Variants in CNTN3 observed in about 807,000 individuals in gnomAD.
The protein encoded by CNTN3 is contactin-3.
In CNTN3, 60 loss-of-function variants were observed where a neutral mutation model predicts 119.1. The ratio of observed to expected loss-of-function variants is 0.50; its 90% CI spans 0.41 to 0.62. CNTN3 has a LOEUF of 0.62. CNTN3 is among the 20% of genes least tolerant of loss of function. The pLI, the probability that CNTN3 is intolerant of heterozygous loss-of-function variation, is 0.00. For missense variants in CNTN3, 1,101 were observed against 1,242.4 expected (o/e 0.89, Z 1.71); for synonymous variants, 450 against 438.7 (o/e 1.03, Z -0.32).
At position 74,386,448 on chromosome 3, in the gene CNTN3, G is replaced by C. The variant is rs529076587; in HGVS notation, c.455-15049C>G. 2.0e-5 allele frequency among the ~76,000 whole-genome samples: 3 copies of C among 152,190 alleles called. No individual in the cohort carries two copies. The East Asian group carries it at 5.8e-4, about 29-fold the overall frequency. ...GCCTGGGCAACATGGTGAAAAATTT[G>C]TCTCTACAAAAATTAGCTGGGAGGG... On this transcript the variant is annotated intron_variant, in intron 5 of 22. Transcript: ENST00000263665.
rs2106820145 is a variant in CNTN3, at chr3:74,386,396, A to G, written c.455-14997T>C. Among the ~76,000 whole-genome samples, 3 of 152,268 alleles carry G rather than the reference A, an allele frequency of 2.0e-5. 1 individual carries two copies. The highest frequency in any genetic ancestry group is 2.0e-4 in the Admixed American group (3 of 15,282). The stretch of plus-strand genomic sequence containing the variant: ...CACACTGGGAAGTTGAAGAAGGTGG[A>G]TGGCTTGATCCCAGAGTTCGAGACC... On this transcript the variant is annotated intron_variant, in intron 5 of 22. Coordinates refer to ENST00000263665, the MANE Select transcript of CNTN3 (RefSeq NM_020872.3).
At chr3:74,418,986 GC>G in intron 5 of CNTN3, among the ~76,000 whole-genome samples, 1 of 150,872 alleles carries the variant, frequency 6.6e-6, no homozygotes, top group Non-Finnish European at 1.5e-5. Flanking sequence ...TAGTAGCGGG[GC>G]AGTTTCGCCA....
At chr3:74,266,786 G>T (rs1701669717) in intron 21 of CNTN3, 137 bp from the exon 22 acceptor site, 1 of 724,372 alleles carries the variant, frequency 1.4e-6, no homozygotes, top group Non-Finnish European at 2.3e-6. Flanking sequence ...GACTCTAATT[G>T]TAAGTCTTAG....
intron 1 of CNTN3, among the ~76,000 whole-genome samples, chr3:74,551,681 G>A: frequency 7.1e-6 from 1 of 140,754 alleles, no homozygotes; most frequent in East Asian, 2.2e-4. Context: ...TGTCTATATA[G>A]TTTTGTGTTT....
chr3:74,306,710 T>C (rs1163112995), intron 13 of CNTN3, among the ~76,000 whole-genome samples: 2 of 152,166 alleles, frequency 1.3e-5, no homozygotes, highest in Non-Finnish European at 2.9e-5. Flanking sequence ...TTCCAGTATC[T>C]TACGTAGGAG....
At chr3:74,314,408 A>G (rs1314977462) in intron 13 of CNTN3, among the ~76,000 whole-genome samples, 1 of 152,192 alleles carries the variant, frequency 6.6e-6, no homozygotes, top group Non-Finnish European at 1.5e-5. Context: ...CATGTTGTCT[A>G]CAAAAACCTA....
chr3:74,583,832 C>T (rs1414492038), intron 1 of CNTN3, among the ~76,000 whole-genome samples: 1 of 152,026 alleles, frequency 6.6e-6, no homozygotes, highest in African/African-American at 2.4e-5. Flanking sequence ...ATTTTTCCCC[C>T]TCATTTAGGG....
At chr3:74,552,436 G>A (rs1287135682) in intron 1 of CNTN3, among the ~76,000 whole-genome samples, 1 of 152,130 alleles carries the variant, frequency 6.6e-6, no homozygotes, top group East Asian at 1.9e-4. Context: ...TGAGAGTTCT[G>A]TTGCTCCACA....
intron 11 of CNTN3, among the ~76,000 whole-genome samples, chr3:74,353,045 A>G (rs1162432283): frequency 6.6e-6 from 1 of 152,026 alleles, no homozygotes; most frequent in Non-Finnish European, 1.5e-5. Context: ...AGAAAAGTGG[A>G]CTCCACTGTG....
intron 3 of CNTN3, among the ~76,000 whole-genome samples, chr3:74,491,672 A>G (rs956594423): frequency 6.6e-6 from 1 of 152,178 alleles, no homozygotes; most frequent in African/African-American, 2.4e-5. Flanking sequence ...TCAAACATTC[A>G]GTAGTAAGCT....
chr3:74,578,893 C>T (rs1240130194), intron 1 of CNTN3, among the ~76,000 whole-genome samples: 1 of 151,994 alleles, frequency 6.6e-6, no homozygotes, highest in Non-Finnish European at 1.5e-5. Flanking sequence ...AATACCAATA[C>T]ATGATATGTA....
At chr3:74,544,194 A>C (rs1382880340) in intron 1 of CNTN3, among the ~76,000 whole-genome samples, 3 of 152,170 alleles carry the variant, frequency 2.0e-5, no homozygotes, top group Non-Finnish European at 4.4e-5. Flanking sequence ...GAAAGGGAAA[A>C]GGCATTATTA....
At chr3:74,275,039 A>C (rs1299514291) in intron 20 of CNTN3, among the ~76,000 whole-genome samples, 1 of 152,194 alleles carries the variant, frequency 6.6e-6, no homozygotes, top group Non-Finnish European at 1.5e-5. Context: ...AGAATTGAAC[A>C]AGTAGAAGAA....
chr3:74,608,310 C>T (rs1159969604), intron 1 of CNTN3, among the ~76,000 whole-genome samples: 1 of 152,122 alleles, frequency 6.6e-6, no homozygotes, highest in Admixed American at 6.6e-5. Context: ...ACTGGTGAGA[C>T]TGTTTAATGC....
At chr3:74,286,532 A>G (rs1205808794) in intron 19 of CNTN3, among the ~76,000 whole-genome samples, 1 of 152,330 alleles carries the variant, frequency 6.6e-6, no homozygotes, top group African/African-American at 2.4e-5. Context: ...AACCCAGAAC[A>G]GAGCCTGTAT....
chr3:74,525,607 C>G (rs554366360), intron 1 of CNTN3, among the ~76,000 whole-genome samples: 2 of 151,776 alleles, frequency 1.3e-5, no homozygotes, highest in Admixed American at 6.6e-5. Context: ...ATGTTTTAAG[C>G]CAAAGAAAAA....
At chr3:74,507,622 CTTTCTT>C (rs1467149168) in intron 2 of CNTN3, among the ~76,000 whole-genome samples, 42 of 120,482 alleles carry the variant, frequency 3.5e-4, no homozygotes, top group African/African-American at 1.1e-3. Context: ...TTCTTTCTTT[CTTTCTT>C]TTTTTTTTTT....
chr3:74,611,329 A>G (rs1332488417), intron 1 of CNTN3, among the ~76,000 whole-genome samples: 1 of 152,170 alleles, frequency 6.6e-6, no homozygotes, highest in Non-Finnish European at 1.5e-5. Context: ...CACTTCTATT[A>G]CAAACCCTTA....
At chr3:74,552,984 C>T (rs997153017) in intron 1 of CNTN3, among the ~76,000 whole-genome samples, 9 of 152,088 alleles carry the variant, frequency 5.9e-5, no homozygotes, top group Non-Finnish European at 1.2e-4. Context: ...ATGTGCAGAA[C>T]GTGCAGTTTT....
Sources: gnomAD v4.1 joint callset for allele counts (sites outside exome capture counted in the v4.1 genomes callset) on GRCh38, gnomAD v4.1.1 for gene constraint, MANE v1.5 for transcripts, NCBI Gene and HGNC (gene_info 2026-07-23, HGNC 2026-07-21) for gene names.